Variants in UBL3 observed in about 807,000 individuals in gnomAD.
The protein encoded by UBL3 is ubiquitin-like protein 3.
Under a neutral mutation model 18.4 loss-of-function variants are expected in UBL3, and 6 were observed. That is an observed-to-expected ratio of 0.33 (90% CI 0.18 to 0.64). The LOEUF (loss-of-function observed/expected upper bound fraction) is 0.64. Ranked by LOEUF, UBL3 falls within the 30% of genes least tolerant of loss-of-function variation. UBL3 has a pLI of 0.76. For synonymous variants in UBL3, 49 were observed against 46.6 expected, an observed-to-expected ratio of 1.05 and a Z score of -0.21; for missense variants, 109 against 142.9, an observed-to-expected ratio of 0.76 and a Z score of 1.21.
rs201006689 is a variant in UBL3 at position 29,842,134 on chromosome 13, C to CTTTTT, written c.27+7373_27+7377dup. ...ACTGAAAACTCCTCCCATTCTCTTTCTTTTTTTTTTTTTTTTTTTTTTTTA... is the reference window on the plus strand; with the variant it reads ...ACTGAAAACTCCTCCCATTCTCTTTCTTTTTTTTTTTTTTTTTTTTTTTTTTTTTA... On this transcript the variant is annotated intron_variant, in intron 1 of 4. Transcript: ENST00000380680. Among the ~76,000 whole-genome samples the CTTTTT allele has an allele frequency of 8.6e-3, 1,103 of 127,832 alleles. 65 individuals carry two copies. The highest frequency in any genetic ancestry group is 0.027 in the African/African-American group (793 of 29,508). The allele number at this position is 127,832 out of a possible 152,430, so 83.9% of individuals were successfully genotyped here. A position where few individuals can be genotyped will look rare whatever the true frequency, so the allele number is the denominator to read the frequency against.
At chr13:29,835,753 CAAAAAAAAAAA>C (rs34271187) in intron 1 of UBL3, among the ~76,000 whole-genome samples, 3 of 37,040 alleles carry the variant, frequency 8.1e-5, no homozygotes, top group African/African-American at 2.2e-4. Flanking sequence ...GACGCTGTCT[CAAAAAAAAAAA>C]AAAAAAAAAA....
At chr13:29,803,720 T>C (rs1224752990) in intron 1 of UBL3, among the ~76,000 whole-genome samples, 5 of 151,618 alleles carry the variant, frequency 3.3e-5, no homozygotes, top group African/African-American at 1.2e-4. Context: ...AGTAAAGGGA[T>C]CAATTCAACA....
intron 1 of UBL3, among the ~76,000 whole-genome samples, chr13:29,838,471 T>A (rs1879015523): frequency 6.6e-6 from 1 of 152,100 alleles, no homozygotes; most frequent in South Asian, 2.1e-4. Context: ...TTAACAATAA[T>A]AATAATGACA....
chr13:29,803,045 C>G (rs1050695311), intron 1 of UBL3, among the ~76,000 whole-genome samples: 5 of 152,154 alleles, frequency 3.3e-5, no homozygotes, highest in African/African-American at 1.2e-4. Context: ...ATGTTAAAAG[C>G]AGCTAGAGAG....
At chr13:29,835,674 G>A (rs772166836) in intron 1 of UBL3, among the ~76,000 whole-genome samples, 2 of 143,426 alleles carry the variant, frequency 1.4e-5, no homozygotes, top group Non-Finnish European at 3.0e-5. Context: ...AGAATCACTC[G>A]AACCTGGGAG....
intron 1 of UBL3, among the ~76,000 whole-genome samples, chr13:29,830,069 G>A (rs1343573632): frequency 6.6e-6 from 1 of 152,028 alleles, no homozygotes; most frequent in African/African-American, 2.4e-5. Flanking sequence ...GTGCTTCTCA[G>A]GTAATTATAA....
intron 1 of UBL3, among the ~76,000 whole-genome samples, chr13:29,793,226 C>T (rs958643542): frequency 2.0e-5 from 3 of 152,172 alleles, no homozygotes; most frequent in East Asian, 1.9e-4. Context: ...GAAAAGTCAA[C>T]GACTAACAGA....
At chr13:29,823,277 G>A (rs1878520871) in intron 1 of UBL3, among the ~76,000 whole-genome samples, 1 of 152,120 alleles carries the variant, frequency 6.6e-6, no homozygotes, top group Non-Finnish European at 1.5e-5. Context: ...CAAGTAGGTG[G>A]GGTTACAGGC....
At chr13:29,827,377 T>C (rs1250344653) in intron 1 of UBL3, among the ~76,000 whole-genome samples, 1 of 152,216 alleles carries the variant, frequency 6.6e-6, no homozygotes, top group African/African-American at 2.4e-5. Flanking sequence ...CTATATTGGG[T>C]ACATATATAT....
At chr13:29,829,591 G>A (rs1035716136) in intron 1 of UBL3, among the ~76,000 whole-genome samples, 3 of 152,206 alleles carry the variant, frequency 2.0e-5, no homozygotes, top group Non-Finnish European at 4.4e-5. Flanking sequence ...ATCTGTCACA[G>A]CTTCCCTTGG....
chr13:29,797,968 T>C (rs920236129), intron 1 of UBL3, among the ~76,000 whole-genome samples: 13 of 152,058 alleles, frequency 8.5e-5, no homozygotes, highest in African/African-American at 3.1e-4. Flanking sequence ...TACTTTTTCT[T>C]TTCCACCATT....
intron 1 of UBL3, among the ~76,000 whole-genome samples, chr13:29,832,041 T>C (rs868546897): frequency 6.6e-6 from 1 of 152,210 alleles, no homozygotes; most frequent in Non-Finnish European, 1.5e-5. Flanking sequence ...GACGACACAA[T>C]AAAGAACATT....
intron 1 of UBL3, among the ~76,000 whole-genome samples, chr13:29,800,846 A>G (rs909757558): frequency 6.6e-6 from 1 of 152,194 alleles, no homozygotes; most frequent in East Asian, 1.9e-4. Context: ...TTGCTGCTCA[A>G]CAGACCTCTT....
rs780932110 is a variant in UBL3 at position 29,849,570 on chromosome 13, G to GA, written c.-33dup. ...GTTTGATATACACCCAGATGTTTAC[G>GA]AAAAAAACAAACAAAGAAAAAAGAG... On this transcript the variant is annotated 5_prime_UTR_variant, in exon 1 of 5. Transcript: ENST00000380680. 6 of 1,612,468 alleles carry GA rather than the reference G, an allele frequency of 3.7e-6. No homozygotes were observed. Among genetic ancestry groups the GA allele is most frequent in the East Asian group, 4.5e-5 (2 of 44,882 alleles).
intron 1 of UBL3, among the ~76,000 whole-genome samples, chr13:29,824,693 A>C (rs1161263478): frequency 6.6e-6 from 1 of 152,192 alleles, no homozygotes; most frequent in Non-Finnish European, 1.5e-5. Context: ...TTTGCTGTGC[A>C]GAAGCTCTTT....
chr13:29,839,004 G>A (rs540997413), intron 1 of UBL3, among the ~76,000 whole-genome samples: 3 of 152,224 alleles, frequency 2.0e-5, no homozygotes, highest in East Asian at 3.9e-4. Context: ...CAGGAAGACA[G>A]AACAATCATA....
intron 1 of UBL3, among the ~76,000 whole-genome samples, chr13:29,818,378 G>A (rs1593667613): frequency 6.6e-6 from 1 of 152,102 alleles, no homozygotes; most frequent in East Asian, 1.9e-4. Context: ...TTATTTAAAC[G>A]ACTACTAATC....
chr13:29,830,801 T>C (rs191014295), intron 1 of UBL3, among the ~76,000 whole-genome samples: 1 of 152,304 alleles, frequency 6.6e-6, no homozygotes, highest in African/African-American at 2.4e-5. Flanking sequence ...TTCAAAAAAA[T>C]GCACATACTG....
intron 1 of UBL3, among the ~76,000 whole-genome samples, chr13:29,815,178 C>T (rs896823138): frequency 6.6e-6 from 1 of 152,142 alleles, no homozygotes; most frequent in Non-Finnish European, 1.5e-5. Context: ...TCCTGTGTCA[C>T]TGGGGCACAA....
Sources: gnomAD v4.1 joint callset for allele counts (sites outside exome capture counted in the v4.1 genomes callset) on GRCh38, gnomAD v4.1.1 for gene constraint, MANE v1.5 for transcripts, NCBI Gene and HGNC (gene_info 2026-07-23, HGNC 2026-07-21) for gene names.